SLC2A13: variants seen among roughly 807,000 people sequenced by gnomAD.
SLC2A13 encodes solute carrier family 2 member 13.
In SLC2A13, 32 loss-of-function variants were observed where a neutral mutation model predicts 64.4. The ratio of observed to expected loss-of-function variants is 0.50; its 90% CI spans 0.37 to 0.67. SLC2A13 has a LOEUF of 0.67. SLC2A13 is among the 30% of genes least tolerant of loss of function. SLC2A13 has a pLI of 0.00. For missense variants in SLC2A13, 743 were observed against 829.2 expected (o/e 0.90, Z 1.28); for synonymous variants, 338 against 327.1 (o/e 1.03, Z -0.36).
At chr12:39,804,361 C>T (rs968109379) in intron 7 of SLC2A13, among the ~76,000 whole-genome samples, 4 of 152,068 alleles carry the variant, frequency 2.6e-5, no homozygotes, top group African/African-American at 9.7e-5. Context: ...TAATATACTT[C>T]GAGCTATGTG....
rs981688533 is a variant in SLC2A13 at position 39,981,183 on chromosome 12, A to T, written c.926-29818T>A. On this transcript the variant is annotated intron_variant, in intron 3 of 9. Coordinates refer to ENST00000280871, the MANE Select transcript of SLC2A13 (RefSeq NM_052885.4). ...GGGATGCATTCAAAGCAGTGTGTAG[A>T]GGGAAATTTATAGCACTAAATGCCC... is the stretch of plus-strand genomic sequence containing the variant. Among the ~76,000 whole-genome samples the T allele has an allele frequency of 1.3e-4, 19 of 150,352 alleles. No homozygotes were observed. The South Asian group carries it at 3.7e-3, about 29-fold the overall frequency.
rs115170461 is a variant in SLC2A13, at chr12:40,046,315, C to T, written c.716+1736G>A. ...TTGTCCCAACACCTCCGCTTTTACA[C>T]GGGCACACCACATTCATAAATGTAT... On this transcript the variant is annotated intron_variant, in intron 2 of 9. Transcript: ENST00000280871. 1.2e-3 allele frequency among the ~76,000 whole-genome samples: 176 copies of T among 152,276 alleles called. No individual in the cohort carries two copies. The East Asian group carries it at 0.013, about 11-fold the overall frequency.
chr12:40,027,920 A>G (rs1947843126), intron 3 of SLC2A13, among the ~76,000 whole-genome samples: 1 of 152,190 alleles, frequency 6.6e-6, no homozygotes, highest in African/African-American at 2.4e-5. Flanking sequence ...GTTTTCTGAC[A>G]TGGTGAATTT....
At chr12:39,863,760 C>T (rs1172704022) in intron 6 of SLC2A13, among the ~76,000 whole-genome samples, 1 of 152,090 alleles carries the variant, frequency 6.6e-6, no homozygotes, top group Non-Finnish European at 1.5e-5. Context: ...TGCCTATTTT[C>T]CAAAGGCACA....
At chr12:40,022,196 C>G (rs1407974687) in intron 3 of SLC2A13, among the ~76,000 whole-genome samples, 1 of 152,208 alleles carries the variant, frequency 6.6e-6, no homozygotes. Flanking sequence ...GGCTAGAGAT[C>G]AAACTCTTTG....
intron 7 of SLC2A13, among the ~76,000 whole-genome samples, chr12:39,809,721 T>C (rs1942087564): frequency 6.6e-6 from 1 of 152,146 alleles, no homozygotes; most frequent in Non-Finnish European, 1.5e-5. Flanking sequence ...GTGTTCTCAT[T>C]GTTCAGTTCC....
chr12:39,990,991 A>C lies in SLC2A13; in HGVS notation c.925+37310T>G, dbSNP rs1947129105. Among the ~76,000 whole-genome samples, 3 of 152,078 alleles carry C rather than the reference A, an allele frequency of 2.0e-5. No homozygotes were observed. In the South Asian group the frequency reaches 6.2e-4, roughly 32 times the overall value. Reference sequence around the variant, plus strand: ...GCCAAACACTGATTTTCCTCCTGTAAAGTGAAGGCTTGGACCAGATTAGGT... The same window carrying C: ...GCCAAACACTGATTTTCCTCCTGTACAGTGAAGGCTTGGACCAGATTAGGT... On this transcript the variant is annotated intron_variant, in intron 3 of 9. Coordinates refer to ENST00000280871, the MANE Select transcript of SLC2A13 (RefSeq NM_052885.4).
chr12:40,050,737 C>G (rs1948241151), intron 1 of SLC2A13, among the ~76,000 whole-genome samples: 2 of 152,142 alleles, frequency 1.3e-5, no homozygotes, highest in Non-Finnish European at 2.9e-5. Context: ...TTTGATGGCA[C>G]AAACTATATT....
intron 1 of SLC2A13, among the ~76,000 whole-genome samples, chr12:40,068,984 A>C (rs1937853393): frequency 6.6e-6 from 1 of 152,166 alleles, no homozygotes; most frequent in South Asian, 2.1e-4. Flanking sequence ...GTGAACAGCC[A>C]TGTCTAGGAA....
chr12:39,990,789 TA>T lies in SLC2A13; in HGVS notation c.925+37511del, dbSNP rs758166898. Among the ~76,000 whole-genome samples the T allele has an allele frequency of 2.6e-5, 4 of 152,214 alleles. No individual in the cohort carries two copies. The East Asian group carries it at 7.7e-4, about 29-fold the overall frequency. ...TTATATGATCACAGTTTAGAAACTT[TA>T]AGCAATGCCAACTCTCTCTACAACA... On this transcript the variant is annotated intron_variant, in intron 3 of 9. Transcript: ENST00000280871.
intron 1 of SLC2A13, among the ~76,000 whole-genome samples, chr12:40,082,330 T>C (rs1340108999): frequency 6.6e-6 from 1 of 152,238 alleles, no homozygotes; most frequent in Non-Finnish European, 1.5e-5. Context: ...CCCTACCCAA[T>C]CTGCCTGCTG....
intron 7 of SLC2A13, among the ~76,000 whole-genome samples, chr12:39,794,471 T>G (rs998588341): frequency 3.3e-5 from 5 of 152,164 alleles, no homozygotes; most frequent in African/African-American, 1.2e-4. Flanking sequence ...TATAACGCAA[T>G]TTGATGTATA....
chr12:39,988,680 A>T (rs1418757659), intron 3 of SLC2A13, among the ~76,000 whole-genome samples: 1 of 78,332 alleles, frequency 1.3e-5, no homozygotes, highest in Non-Finnish European at 2.4e-5. Flanking sequence ...GGAGGGAAGA[A>T]GGGAGGGAGG....
chr12:39,814,632 G>A (rs1057427822), intron 7 of SLC2A13, among the ~76,000 whole-genome samples: 2 of 152,078 alleles, frequency 1.3e-5, no homozygotes, highest in African/African-American at 4.8e-5. Context: ...TTTAAAGAGA[G>A]GAAAAACATA....
At chr12:39,826,854 A>ATTTTTTTTTTTTTTT (rs63699664) in intron 7 of SLC2A13, among the ~76,000 whole-genome samples, 18 of 67,384 alleles carry the variant, frequency 2.7e-4, no homozygotes, top group East Asian at 1.2e-3. Flanking sequence ...GTCTCTTTCA[A>ATTTTTTTTTTTTTTT]TTTTTTTTTT....
chr12:39,958,046 C>A (rs535786299), intron 3 of SLC2A13, among the ~76,000 whole-genome samples: 52 of 152,290 alleles, frequency 3.4e-4, no homozygotes, highest in African/African-American at 1.2e-3. Flanking sequence ...AACAGAAGTC[C>A]TCATTTCTCA....
At chr12:39,812,847 T>C (rs192256435) in intron 7 of SLC2A13, among the ~76,000 whole-genome samples, 54 of 149,248 alleles carry the variant, frequency 3.6e-4, no homozygotes, top group Admixed American at 2.0e-3. Flanking sequence ...TTTTTTTTTT[T>C]TTTTTGAGAT....
intron 2 of SLC2A13, among the ~76,000 whole-genome samples, chr12:40,046,001 C>T (rs967995611): frequency 1.3e-5 from 2 of 152,176 alleles, no homozygotes; most frequent in African/African-American, 4.8e-5. Context: ...CTTACAACAT[C>T]GATAGTAGCA....
chr12:40,094,956 A>G (rs1938889787), intron 1 of SLC2A13, among the ~76,000 whole-genome samples: 1 of 152,252 alleles, frequency 6.6e-6, no homozygotes, highest in Non-Finnish European at 1.5e-5. Context: ...AGGCAGGAAC[A>G]GCTGAGGAAA....
Sources: gnomAD v4.1 joint callset for allele counts (sites outside exome capture counted in the v4.1 genomes callset) on GRCh38, gnomAD v4.1.1 for gene constraint, MANE v1.5 for transcripts, NCBI Gene and HGNC (gene_info 2026-07-23, HGNC 2026-07-21) for gene names.